The following C18orf63 variants were observed in gnomAD, a reference collection of about 807,000 sequenced individuals.
The protein encoded by C18orf63 is uncharacterized protein C18orf63.
A neutral mutation model predicts 75.3 loss-of-function variants in C18orf63; 50 were observed. The ratio of observed to expected loss-of-function variants is 0.66; its 90% CI spans 0.53 to 0.84. C18orf63 has a LOEUF of 0.84. Among genes scored for constraint, C18orf63 ranks in the 40% least tolerant of loss-of-function variants. The pLI, the probability that C18orf63 is intolerant of heterozygous loss-of-function variation, is 0.00. For synonymous variants in C18orf63, 232 were observed against 267.6 expected (o/e 0.87, Z 1.30); for missense variants, 732 against 800.2 (o/e 0.91, Z 1.03).
intron 10 of C18orf63, 82 bp downstream of exon 10, chr18:74,342,408 T>C (rs1984504386): frequency 3.9e-6 from 3 of 774,818 alleles, no homozygotes; most frequent in South Asian, 3.1e-5. Context: ...TGTCATACTT[T>C]TCAACCTTCT....
intron 11 of C18orf63, among the ~76,000 whole-genome samples, chr18:74,350,580 G>A (rs1418110245): frequency 1.3e-5 from 2 of 152,080 alleles, no homozygotes; most frequent in African/African-American, 4.8e-5. Context: ...GAAGGAACCA[G>A]CCCTGCCAAC....
Position 74,353,218 on chromosome 18 carries a change from A to T in C18orf63, c.979-28A>T, listed in dbSNP as rs1296696766. The T allele has an allele frequency of 2.5e-5, 35 of 1,389,680 alleles. No individual in the cohort carries two copies. In the Middle Eastern group the frequency reaches 7.2e-4, roughly 29 times the overall value. The allele number at this position is 1,389,680 out of a possible 1,614,324, so 86.1% of individuals were successfully genotyped here. A position where few individuals can be genotyped will look rare whatever the true frequency, so the allele number is the denominator to read the frequency against. On this transcript the variant is annotated intron_variant, in intron 11 of 13. Transcript: ENST00000579455. ...ATTAAGGACATTATTAACATTTTAA[A>T]TTTTTTTTTAATCTCTATCCTTTTC...
In C18orf63 at chr18:74,353,270, T is replaced by C. The variant is rs1194475549; in HGVS notation, c.1003T>C (p.Leu335=). Residue 335 remains leucine (L), a synonymous_variant, in exon 12 of 14, where the codon TTG becomes CTG. Transcript: ENST00000579455. ...GGAACACAAAGTCAAGCCACCCAAT[T>C]TGACCACTAAAAAAATGCTTAGGGC... The part of the protein sequence containing the change: ...IQEHKVKPPN[L]TTKKMLRASL... The C allele has an allele frequency of 2.5e-5, 38 of 1,535,732 alleles. No individual in the cohort carries two copies. Among genetic ancestry groups the C allele is most frequent in the Non-Finnish European group, 3.2e-5 (37 of 1,146,526 alleles).
In C18orf63 at chr18:74,329,019, G is replaced by A. The variant is rs1984256520; in HGVS notation, c.407G>A (p.Gly136Glu). ...GGAAGAGATTTTCTTTCTCAGATGGGAAAACAAAGTGCTGTTGGTAAGTAA... is the reference window on the plus strand; with the variant it reads ...GGAAGAGATTTTCTTTCTCAGATGGAAAAACAAAGTGCTGTTGGTAAGTAA... ...IQGRDFLSQM[G>E]KQSAVVLNIN... Residue 136 changes from glycine to glutamate, a missense_variant, in exon 6 of 14, where the codon GGA becomes GAA. By Grantham distance (98) the Gly-to-Glu change is moderately conservative. Coordinates refer to ENST00000579455, the MANE Select transcript of C18orf63 (RefSeq NM_001174123.2). 5 of 1,504,762 alleles carry A rather than the reference G, an allele frequency of 3.3e-6. No individual in the cohort carries two copies. Among genetic ancestry groups the A allele is most frequent in the Non-Finnish European group, 4.5e-6 (5 of 1,118,680 alleles). The allele number at this position is 1,504,762 out of a possible 1,614,324, so 93.2% of individuals were successfully genotyped here.
intron 4 of C18orf63, among the ~76,000 whole-genome samples, chr18:74,326,794 C>T (rs544625046): frequency 1.3e-5 from 2 of 152,184 alleles, no homozygotes; most frequent in South Asian, 4.2e-4. Flanking sequence ...AAATCTGGTT[C>T]CTATTACTTA....
chr18:74,343,744 A>G (rs1984526816), intron 11 of C18orf63, 42 bp downstream of exon 11: 1 of 1,266,520 alleles, frequency 7.9e-7, no homozygotes, highest in Non-Finnish European at 1.0e-6. Flanking sequence ...AAGACATACT[A>G]TCCATCTATT....
At chr18:74,332,425 C>T (rs1278601884) in intron 7 of C18orf63, among the ~76,000 whole-genome samples, 1 of 152,198 alleles carries the variant, frequency 6.6e-6, no homozygotes, top group Admixed American at 6.5e-5. Flanking sequence ...TCCACATTGG[C>T]TCAGCACGGT....
rs1014328392 is a variant in C18orf63, at chr18:74,343,532, T to G, written c.808T>G (p.Cys270Gly). 9.4e-5 allele frequency: 143 copies of G among 1,527,876 alleles called. No individual in the cohort carries two copies. Among genetic ancestry groups the G allele is most frequent in the Non-Finnish European group, 1.2e-4 (135 of 1,143,122 alleles). The allele number at this position is 1,527,876 out of a possible 1,614,324, so 94.6% of individuals were successfully genotyped here. A position where few individuals can be genotyped will look rare whatever the true frequency, so the allele number is the denominator to read the frequency against. Reference sequence around the variant, plus strand: ...AACATTGTTCAGATATCCTCTCAGTTGCATCAGAAGTCAGCCCATGCAGTT... The same window carrying G: ...AACATTGTTCAGATATCCTCTCAGTGGCATCAGAAGTCAGCCCATGCAGTT... ...GERTFTYPLS[C>G]IRSQPMQFFP... The change falls in exon 11 of 14, where the codon TGC (cysteine) becomes GGC (glycine). Residue 270 changes from cysteine (C) to glycine (G), a missense_variant. Cys to Gly is a radical substitution (Grantham distance 159). This residue lies in a region of C18orf63 where 495 missense variants were observed against 508.7 expected (regional missense o/e 0.97). Coordinates refer to ENST00000579455, the MANE Select transcript of C18orf63 (RefSeq NM_001174123.2).
intron 10 of C18orf63, among the ~76,000 whole-genome samples, chr18:74,342,832 C>A (rs1392765619): frequency 6.6e-6 from 1 of 152,044 alleles, no homozygotes; most frequent in East Asian, 1.9e-4. Flanking sequence ...AATATACACA[C>A]GAGAAGAGCA....
At chr18:74,335,802 A>G (rs1323613942) in intron 7 of C18orf63, among the ~76,000 whole-genome samples, 3 of 152,114 alleles carry the variant, frequency 2.0e-5, no homozygotes, top group Non-Finnish European at 4.4e-5. Flanking sequence ...AAGAAAGAAG[A>G]GCATGCACAC....
chr18:74,330,842 C>A, intron 6 of C18orf63, 24 bp from the exon 7 acceptor site: 1 of 883,366 alleles, frequency 1.1e-6, no homozygotes, highest in South Asian at 1.6e-5. Flanking sequence ...CCAGGTAGTT[C>A]ACAGTTAAAT....
At chr18:74,355,508 G>A (rs73468670) in intron 13 of C18orf63, among the ~76,000 whole-genome samples, 1 of 152,088 alleles carries the variant, frequency 6.6e-6, no homozygotes, top group Non-Finnish European at 1.5e-5. Flanking sequence ...CATCCAGGAG[G>A]GGGGGCTTAC....
intron 1 of C18orf63, among the ~76,000 whole-genome samples, chr18:74,316,484 C>T (rs1303648913): frequency 6.6e-6 from 1 of 152,296 alleles, no homozygotes; most frequent in East Asian, 1.9e-4. Flanking sequence ...AAGGGTCCCT[C>T]GTAGCGGCGG....
At chr18:74,321,611 T>G (rs1984123273) in intron 3 of C18orf63, among the ~76,000 whole-genome samples, 1 of 152,100 alleles carries the variant, frequency 6.6e-6, no homozygotes. Context: ...AGCCATATTT[T>G]CTTATTCTTA....
intron 7 of C18orf63, among the ~76,000 whole-genome samples, chr18:74,337,590 C>T (rs1239918342): frequency 6.6e-6 from 1 of 152,170 alleles, no homozygotes; most frequent in Non-Finnish European, 1.5e-5. Flanking sequence ...CATGCCTCCT[C>T]TAACCATGTT....
At chr18:74,350,754 ATGAAACTTAGCT>A (rs1984653645) in intron 11 of C18orf63, among the ~76,000 whole-genome samples, 1 of 152,246 alleles carries the variant, frequency 6.6e-6, no homozygotes, top group Non-Finnish European at 1.5e-5. Flanking sequence ...ATTCAGGGTC[ATGAAACTTAGCT>A]GGGTTTTCTT....
At position 74,356,843 on chromosome 18, in the gene C18orf63, A is replaced by G. The variant is rs1428152949; in HGVS notation, c.*396A>G. 6.6e-6 allele frequency: 1 copy of G among 152,206 alleles called. No individual in the cohort carries two copies. The highest frequency in any genetic ancestry group is 1.5e-5 in the Non-Finnish European group (1 of 68,028). The allele number at this position is 152,206 out of a possible 1,614,324, so 9.4% of individuals were successfully genotyped here. On this transcript the variant is annotated 3_prime_UTR_variant, in exon 14 of 14. Coordinates refer to ENST00000579455, the MANE Select transcript of C18orf63 (RefSeq NM_001174123.2). Reference sequence around the variant, plus strand: ...GAGTATGAAGAACCTCTAAGTACCTATCACCCAGATCTACCAGTTATTAAT... The same window carrying G: ...GAGTATGAAGAACCTCTAAGTACCTGTCACCCAGATCTACCAGTTATTAAT...
chr18:74,349,499 G>A (rs539616049), intron 11 of C18orf63, among the ~76,000 whole-genome samples: 16 of 152,198 alleles, frequency 1.1e-4, no homozygotes, highest in African/African-American at 3.4e-4. Flanking sequence ...GAGAGCGAGC[G>A]AGCATTACCG....
intron 11 of C18orf63, among the ~76,000 whole-genome samples, chr18:74,346,422 T>A (rs966535745): frequency 6.6e-6 from 1 of 152,152 alleles, no homozygotes. Flanking sequence ...AGGGGTCAAC[T>A]CCTCCTACTG....
Sources: allele counts gnomAD v4.1 joint callset (sites outside exome capture counted in the v4.1 genomes callset), GRCh38; gene constraint gnomAD v4.1.1; regional missense constraint gnomAD v4.1.1; transcripts MANE v1.5; gene names NCBI Gene and HGNC (gene_info 2026-07-23, HGNC 2026-07-21).